SIK3: variants seen among roughly 807,000 people sequenced by gnomAD.
SIK3 encodes serine/threonine-protein kinase SIK3.
SIK3 carries 28 observed loss-of-function variants against 144.2 expected under a neutral mutation model. That is an observed-to-expected ratio of 0.19 (90% CI 0.14 to 0.27). SIK3 has a LOEUF of 0.27. SIK3 is among the 10% of genes least tolerant of loss of function. The pLI, the probability that SIK3 is intolerant of heterozygous loss-of-function variation, is 1.00. For missense variants in SIK3, 1,319 were observed against 1,776.0 expected, an observed-to-expected ratio of 0.74 and a Z score of 4.62; for synonymous variants, 686 against 676.3, an observed-to-expected ratio of 1.01 and a Z score of -0.22.
At chr11:117,071,021 G>GA (rs1954255665) in intron 1 of SIK3, among the ~76,000 whole-genome samples, 1 of 151,830 alleles carries the variant, frequency 6.6e-6, no homozygotes, top group South Asian at 2.1e-4. Context: ...GAGCCACTGC[G>GA]GCCAGCCCAA....
At position 116,957,078 on chromosome 11, in the gene SIK3, GA is replaced by G; in HGVS notation, c.274-15del. Reference sequence around the variant, plus strand: ...CTTGATAGCAACCTGACAACAGAGGGAAAAAAATTACTCTGATGCATTATTA... The same window carrying G: ...CTTGATAGCAACCTGACAACAGAGGGAAAAAATTACTCTGATGCATTATTA... On this transcript the variant is annotated splice_polypyrimidine_tract_variant and intron_variant, in intron 1 of 24. Transcript: ENST00000445177. 5.3e-6 allele frequency: 8 copies of G among 1,497,478 alleles called. No homozygotes were observed. The highest frequency in any genetic ancestry group is 2.1e-5 in the Admixed American group (1 of 47,454). The allele number at this position is 1,497,478 out of a possible 1,614,324, so 92.8% of individuals were successfully genotyped here.
chr11:116,846,297 C>T lies in SIK3; in HGVS notation c.*13+86G>A, dbSNP rs745604608. 7 of 1,439,688 alleles carry T rather than the reference C, an allele frequency of 4.9e-6. No homozygotes were observed. Among genetic ancestry groups the T allele is most frequent in the Non-Finnish European group, 6.7e-6 (7 of 1,046,584 alleles). 89.2% of individuals were successfully genotyped at this position (1,439,688 alleles called of 1,614,324 possible). On this transcript the variant is annotated intron_variant, in intron 24 of 24. Transcript: ENST00000445177. This position sits in a 1 kb window ranked among gnomAD's most constrained non-coding sequence, Gnocchi z 4.1. Reference sequence around the variant, plus strand: ...GTACTGTCGACTGCACTGGCCACCACAACACATGGGCTGAAGCTCCTGATG... The same window carrying T: ...GTACTGTCGACTGCACTGGCCACCATAACACATGGGCTGAAGCTCCTGATG...
At chr11:116,915,910 A>T (rs1456898726) in intron 4 of SIK3, among the ~76,000 whole-genome samples, 2 of 152,248 alleles carry the variant, frequency 1.3e-5, no homozygotes, top group Non-Finnish European at 2.9e-5. Flanking sequence ...ATGATAACCA[A>T]CTACTTGAAC....
At position 116,896,242 on chromosome 11, in the gene SIK3, G is replaced by A. The variant is rs371181666; in HGVS notation, c.865+11C>T. ...AACCCATTCATAGCTGTGTGCTAGC[G>A]ACTCCCTTACCTGTGGACATAAAAA... On this transcript the variant is annotated intron_variant, in intron 6 of 24. Transcript: ENST00000445177. The A allele has an allele frequency of 5.6e-5, 91 of 1,612,972 alleles. No homozygotes were observed. The highest frequency in any genetic ancestry group is 1.5e-4 in the South Asian group (14 of 90,902).
intron 1 of SIK3, among the ~76,000 whole-genome samples, chr11:116,960,610 C>T (rs939391669): frequency 1.3e-5 from 2 of 152,168 alleles, no homozygotes; most frequent in Non-Finnish European, 2.9e-5. Context: ...ACTCTGAAGA[C>T]AAGCTACTTA....
Position 116,857,985 on chromosome 11 carries a change from C to CTTA in SIK3, c.3477_3479dup (p.Ser1159_Lys1160insAsn). The CTTA allele has an allele frequency of 6.2e-7, 1 of 1,614,198 alleles. No homozygotes were observed. The highest frequency in any genetic ancestry group is 8.5e-7 in the Non-Finnish European group (1 of 1,180,034). On this transcript the variant is annotated inframe_insertion, in exon 21 of 25. Coordinates refer to ENST00000445177, the MANE Select transcript of SIK3 (RefSeq NM_001366686.3). ...AACCTTTGGTCAATGTACTTGAACTCTTACTGTCTTGGAAGCCATCCTTGG... is the reference window on the plus strand; with the variant it reads ...AACCTTTGGTCAATGTACTTGAACTCTTATTACTGTCTTGGAAGCCATCCTTGG...
chr11:117,085,450 G>A (rs1210208345), intron 1 of SIK3, among the ~76,000 whole-genome samples: 1 of 151,994 alleles, frequency 6.6e-6, no homozygotes, highest in African/African-American at 2.4e-5. Context: ...TTGTTTGTTT[G>A]TTTAAAGAAT....
chr11:116,915,863 A>T (rs989290603), intron 4 of SIK3, among the ~76,000 whole-genome samples: 2 of 152,216 alleles, frequency 1.3e-5, no homozygotes, highest in Admixed American at 1.3e-4. Flanking sequence ...AAACTTAATA[A>T]AATACAATGA....
chr11:116,943,025 G>T (rs1286652073), intron 3 of SIK3, among the ~76,000 whole-genome samples: 9 of 152,142 alleles, frequency 5.9e-5, no homozygotes, highest in Admixed American at 5.9e-4. Flanking sequence ...TGGTAGTTAT[G>T]GAGGTGGTGA....
Position 116,846,584 on chromosome 11 carries a change from G to T in SIK3, c.3953-31C>A. ...AGACCAAAAAGAACGTATGAGGTTG[G>T]CAGGGAACTGGGGGACTAGGAGAGC... On this transcript the variant is annotated intron_variant, in intron 23 of 24. Transcript: ENST00000445177. This position sits in a 1 kb window ranked among gnomAD's most constrained non-coding sequence, Gnocchi z 4.1. 1 of 1,613,454 alleles carries T rather than the reference G, an allele frequency of 6.2e-7. No homozygotes were observed.
chr11:116,920,526 T>C (rs1178299976), intron 4 of SIK3, among the ~76,000 whole-genome samples: 1 of 152,206 alleles, frequency 6.6e-6, no homozygotes, highest in East Asian at 1.9e-4. Context: ...GTTTACTGTC[T>C]ATTTATCCCC....
intron 1 of SIK3, among the ~76,000 whole-genome samples, chr11:117,068,014 A>T (rs1954094094): frequency 6.6e-6 from 1 of 152,134 alleles, no homozygotes; most frequent in African/African-American, 2.4e-5. Context: ...TTTGTAAAAA[A>T]TAAATATTAA....
intron 1 of SIK3, among the ~76,000 whole-genome samples, chr11:117,075,708 A>AT (rs915758544): frequency 6.1e-5 from 9 of 147,026 alleles, no homozygotes; most frequent in South Asian, 4.3e-4. Flanking sequence ...CACCTGGCTA[A>AT]TTTTTTTTTT....
chr11:116,896,175 T>C lies in SIK3; in HGVS notation c.865+78A>G, dbSNP rs1166222919. On this transcript the variant is annotated intron_variant, in intron 6 of 24. Transcript: ENST00000445177. ...TTGTAAGTGGGCCATTTATACTCCA[T>C]CACTAAATTCCTGGGATAACTGAGT... is the stretch of plus-strand genomic sequence containing the variant. 7 of 1,577,420 alleles carry C rather than the reference T, an allele frequency of 4.4e-6. No homozygotes were observed. The African/African-American group carries it at 8.1e-5, about 18-fold the overall frequency.
At chr11:116,882,083 T>C (rs1289983859) in intron 6 of SIK3, among the ~76,000 whole-genome samples, 5 of 152,084 alleles carry the variant, frequency 3.3e-5, no homozygotes, top group African/African-American at 1.2e-4. Flanking sequence ...GCAGATCAGA[T>C]GCCATGTCAT....
chr11:116,992,326 C>A (rs606343), intron 1 of SIK3, among the ~76,000 whole-genome samples: 74,366 of 131,204 alleles, frequency 0.57, 21,545 homozygotes, highest in Non-Finnish European at 0.68. Flanking sequence ...CCCCCCCCCC[C>A]AAAAAAAAAC....
chr11:116,846,518 C>T lies in SIK3; in HGVS notation c.3988G>A (p.Asp1330Asn), dbSNP rs756949920. 6.2e-7 allele frequency: 1 copy of T among 1,614,172 alleles called. No individual in the cohort carries two copies. The highest frequency in any genetic ancestry group is 8.5e-7 in the Non-Finnish European group (1 of 1,180,014). ...AAATGCTGGCTGCCATCACTCAGGTCTGGGTGCTCATGACCTCCCAGGCTT... is the reference window on the plus strand; with the variant it reads ...AAATGCTGGCTGCCATCACTCAGGTTTGGGTGCTCATGACCTCCCAGGCTT... Reference protein sequence around the residue: ...GASLGGHEHPDLSDGSQHLNS... With the variant: ...GASLGGHEHPNLSDGSQHLNS... Residue 1330 changes from aspartate to asparagine, a missense_variant, in exon 24 of 25, where the codon GAC becomes AAC. This residue lies in a region of SIK3 where 646 missense variants were observed against 763.7 expected (regional missense o/e 0.85). Coordinates refer to ENST00000445177, the MANE Select transcript of SIK3 (RefSeq NM_001366686.3). This position sits in a 1 kb window ranked among gnomAD's most constrained non-coding sequence, Gnocchi z 4.1.
intron 1 of SIK3, among the ~76,000 whole-genome samples, chr11:117,021,128 T>A (rs1004086860): frequency 8.5e-5 from 13 of 152,172 alleles, no homozygotes; most frequent in Non-Finnish European, 1.9e-4. Context: ...TCCCACACAT[T>A]TGGTCACAGA....
intron 3 of SIK3, among the ~76,000 whole-genome samples, chr11:116,933,250 C>G (rs1385280056): frequency 6.6e-6 from 1 of 151,566 alleles, no homozygotes; most frequent in Non-Finnish European, 1.5e-5. Flanking sequence ...AAGTGATTCT[C>G]CTGCCTCAGC....
Sources: gnomAD v4.1 joint callset for allele counts (sites outside exome capture counted in the v4.1 genomes callset) on GRCh38, gnomAD v4.1.1 for gene constraint, gnomAD v4.1.1 regional missense constraint, Gnocchi (gnomAD v3.1) non-coding constraint, MANE v1.5 for transcripts, NCBI Gene and HGNC (gene_info 2026-07-23, HGNC 2026-07-21) for gene names.